MAST4: variants seen among roughly 807,000 people sequenced by gnomAD.
The protein encoded by MAST4 is microtubule-associated serine/threonine-protein kinase 4.
In MAST4, 89 loss-of-function variants were observed where a neutral mutation model predicts 162.7. The ratio of observed to expected loss-of-function variants is 0.55; its 90% CI spans 0.46 to 0.65. MAST4 has a LOEUF of 0.65. MAST4 is among the 30% of genes least tolerant of loss of function. MAST4 has a pLI of 0.00. For synonymous variants in MAST4, 1,479 were observed against 1,361.1 expected (o/e 1.09, Z -1.91); for missense variants, 3,153 against 3,374.0 (o/e 0.93, Z 1.62).
chr5:66,710,903 G>A (rs1191156170), intron 1 of MAST4, among the ~76,000 whole-genome samples: 1 of 152,176 alleles, frequency 6.6e-6, no homozygotes, highest in Non-Finnish European at 1.5e-5. Flanking sequence ...CACATTATGT[G>A]TGTAAAATTT....
chr5:66,767,677 A>G (rs1275567363), intron 2 of MAST4, among the ~76,000 whole-genome samples: 1 of 152,070 alleles, frequency 6.6e-6, no homozygotes, highest in Non-Finnish European at 1.5e-5. Context: ...CAGGTCCCAC[A>G]ATAGGCCATT....
intron 3 of MAST4, among the ~76,000 whole-genome samples, chr5:66,820,358 G>A (rs896407198): frequency 2.6e-5 from 4 of 152,132 alleles, no homozygotes; most frequent in Non-Finnish European, 5.9e-5. Flanking sequence ...GTTAACATAT[G>A]AGTTTCTAAA....
chr5:67,016,632 C>T (rs917705848), intron 4 of MAST4, among the ~76,000 whole-genome samples: 1 of 152,294 alleles, frequency 6.6e-6, no homozygotes, highest in East Asian at 1.9e-4. Context: ...ATTTCCTCAT[C>T]TTAAAGTATC....
intron 4 of MAST4, among the ~76,000 whole-genome samples, chr5:66,937,682 T>C (rs994179678): frequency 6.6e-6 from 1 of 152,196 alleles, no homozygotes; most frequent in African/African-American, 2.4e-5. Context: ...TATTCATTTT[T>C]TTCTAGGTAA....
At chr5:66,836,627 G>C (rs533729048) in intron 3 of MAST4, among the ~76,000 whole-genome samples, 1 of 152,228 alleles carries the variant, frequency 6.6e-6, no homozygotes, top group East Asian at 1.9e-4. Context: ...AAATGAATGA[G>C]ATCATGTCCT....
intron 3 of MAST4, among the ~76,000 whole-genome samples, chr5:66,878,981 A>G (rs889785494): frequency 1.6e-4 from 24 of 152,230 alleles, no homozygotes; most frequent in African/African-American, 5.5e-4. Flanking sequence ...AACTACCCTT[A>G]TAAGAAAAGT....
intron 4 of MAST4, among the ~76,000 whole-genome samples, chr5:66,907,058 C>T (rs909743406): frequency 1.3e-5 from 2 of 151,850 alleles, no homozygotes; most frequent in Non-Finnish European, 2.9e-5. Flanking sequence ...TAAAACTCGG[C>T]TTTTATCACA....
rs71610552 is a variant in MAST4 at position 67,060,475 on chromosome 5, A to ATTTT, written c.763+6002_763+6005dup. 7.9e-4 allele frequency among the ~76,000 whole-genome samples: 95 copies of ATTTT among 120,580 alleles called. 1 individual carries two copies. In the South Asian group the frequency reaches 0.01, roughly 13 times the overall value. 79.1% of individuals were successfully genotyped at this position (120,580 alleles called of 152,430 possible). A position where few individuals can be genotyped will look rare whatever the true frequency, so the allele number is the denominator to read the frequency against. On this transcript the variant is annotated intron_variant, in intron 5 of 28. Coordinates refer to ENST00000403625, the MANE Select transcript of MAST4 (RefSeq NM_001164664.2). ...CAGAGATACTCCTGGGAGTATCACAATTTTTTTTTTTTTTTTTTTTTTGAG... is the reference window on the plus strand; with the variant it reads ...CAGAGATACTCCTGGGAGTATCACAATTTTTTTTTTTTTTTTTTTTTTTTTTGAG...
In MAST4 at chr5:66,710,733, C is replaced by T. The variant is rs576483234; in HGVS notation, c.364-48976C>T. 2.6e-5 allele frequency among the ~76,000 whole-genome samples: 4 copies of T among 152,200 alleles called. No individual in the cohort carries two copies. In the South Asian group the frequency reaches 6.2e-4, roughly 24 times the overall value. ...CTGGGTTGTCAGTGGTCTTAACTTT[C>T]CCTTATTGTGTGAGAACGGCCAAGC... On this transcript the variant is annotated intron_variant, in intron 1 of 28. Coordinates refer to ENST00000403625, the MANE Select transcript of MAST4 (RefSeq NM_001164664.2).
chr5:66,916,118 G>C (rs1403958201), intron 4 of MAST4, among the ~76,000 whole-genome samples: 1 of 152,196 alleles, frequency 6.6e-6, no homozygotes, highest in East Asian at 1.9e-4. Context: ...GATAGTATTT[G>C]TGGGTATATT....
At chr5:66,693,717 G>A (rs1399350710) in intron 1 of MAST4, among the ~76,000 whole-genome samples, 3 of 145,018 alleles carry the variant, frequency 2.1e-5, no homozygotes, top group African/African-American at 5.2e-5. Context: ...AGAGCTAGAC[G>A]CTATCAAATC....
intron 5 of MAST4, among the ~76,000 whole-genome samples, chr5:67,069,954 T>G (rs1760746090): frequency 6.6e-6 from 1 of 151,296 alleles, no homozygotes; most frequent in Admixed American, 6.6e-5. Context: ...CTTCAGTGTT[T>G]AGAGATGCAA....
intron 4 of MAST4, among the ~76,000 whole-genome samples, chr5:66,969,711 A>C (rs1415125086): frequency 1.3e-5 from 2 of 152,244 alleles, no homozygotes; most frequent in Non-Finnish European, 2.9e-5. Context: ...TTTACCAAAC[A>C]CATGGCAGTA....
chr5:67,149,025 A>G (rs1771444254), intron 23 of MAST4, among the ~76,000 whole-genome samples: 1 of 152,152 alleles, frequency 6.6e-6, no homozygotes, highest in Non-Finnish European at 1.5e-5. Flanking sequence ...GATTCATGGC[A>G]CAGCCTTTCA....
Position 67,136,100 on chromosome 5 carries a change from A to G in MAST4, c.2393-463A>G, listed in dbSNP as rs564989762. Among the ~76,000 whole-genome samples, 43 of 152,318 alleles carry G rather than the reference A, an allele frequency of 2.8e-4. 1 individual carries two copies. The South Asian group carries it at 4.8e-3, about 17-fold the overall frequency. Reference sequence around the variant, plus strand: ...ATTACTTCTTGCTTCTTAGAGCTGAAGAACTCTATGGCTGTGGCCAAATTC... The same window carrying G: ...ATTACTTCTTGCTTCTTAGAGCTGAGGAACTCTATGGCTGTGGCCAAATTC... On this transcript the variant is annotated intron_variant, in intron 18 of 28. Coordinates refer to ENST00000403625, the MANE Select transcript of MAST4 (RefSeq NM_001164664.2).
At chr5:67,136,517 C>T in intron 18 of MAST4, 46 bp from the exon 19 acceptor site, 1 of 1,420,212 alleles carries the variant, frequency 7.0e-7, no homozygotes, top group South Asian at 1.2e-5. Flanking sequence ...GGGACCTGGA[C>T]CCTCTTGTGA....
chr5:66,785,101 C>T (rs34257018), intron 2 of MAST4, among the ~76,000 whole-genome samples: 61,910 of 151,780 alleles, frequency 0.41, 12,946 homozygotes, highest in African/African-American at 0.49. Context: ...CGTGGTGGTG[C>T]GTGCCTGTAA....
At chr5:67,083,750 A>G (rs1762928167) in intron 5 of MAST4, among the ~76,000 whole-genome samples, 1 of 152,190 alleles carries the variant, frequency 6.6e-6, no homozygotes, top group Non-Finnish European at 1.5e-5. Flanking sequence ...GCTTAGGAAT[A>G]TCTGTTACAG....
At position 67,119,806 on chromosome 5, in the gene MAST4, T is replaced by C. The variant is rs1478524652; in HGVS notation, c.1659+1057T>C. Among the ~76,000 whole-genome samples, 5 of 151,820 alleles carry C rather than the reference T, an allele frequency of 3.3e-5. No homozygotes were observed. The South Asian group carries it at 8.3e-4, about 25-fold the overall frequency. On this transcript the variant is annotated intron_variant, in intron 13 of 28. Transcript: ENST00000403625. ...GGTGGAGGTGGAAGTGACTTAGGAG[T>C]CATCCATGAACATAAATGAGATCAC...
Sources: allele counts gnomAD v4.1 joint callset (sites outside exome capture counted in the v4.1 genomes callset), GRCh38; gene constraint gnomAD v4.1.1; transcripts MANE v1.5; gene names NCBI Gene and HGNC (gene_info 2026-07-23, HGNC 2026-07-21).